The following TMEM161B variants were observed in gnomAD, a reference collection of about 807,000 sequenced individuals.
TMEM161B encodes the protein transmembrane protein 161B.
TMEM161B carries 34 observed loss-of-function variants against 61.8 expected under a neutral mutation model. That is an observed-to-expected ratio of 0.55 (90% CI 0.42 to 0.73). The LOEUF is 0.73. TMEM161B is among the 30% of genes least tolerant of loss of function. TMEM161B has a pLI of 0.00. For synonymous variants in TMEM161B, 167 were observed against 192.8 expected, an observed-to-expected ratio of 0.87 and a Z score of 1.11; for missense variants, 456 against 558.5, an observed-to-expected ratio of 0.82 and a Z score of 1.85.
exon 13 of TMEM161B, chr5:88,190,021 G>C (rs1449819249): frequency 1.0e-5 from 7 of 699,914 alleles, no homozygotes; most frequent in Admixed American, 8.0e-5. Context: ...GAGCCGATCC[G>C]TAAGGGCAGT....
chr5:88,208,019 CA>C (rs748188331), intron 5 of TMEM161B, among the ~76,000 whole-genome samples: 2 of 151,926 alleles, frequency 1.3e-5, no homozygotes, highest in African/African-American at 2.4e-5. Flanking sequence ...ACTTTACAGA[CA>C]TTTTAAAAAA....
At chr5:88,220,742 AAAAAAAAAAG>A (rs758128482) in intron 4 of TMEM161B, 23 bp from the exon 5 acceptor site, 7 of 1,520,344 alleles carry the variant, frequency 4.6e-6, no homozygotes. Context: ...AAAAAAAAAA[AAAAAAAAAAG>A]GTCAAAAAAA....
chr5:88,261,730 C>CAAAAAAAAAAAAAAAAAAAAAAAA (rs70996464), intron 1 of TMEM161B, among the ~76,000 whole-genome samples: 1 of 49,292 alleles, frequency 2.0e-5, no homozygotes, highest in Non-Finnish European at 3.5e-5. Context: ...CATTCATGTG[C>CAAAAAAAAAAAAAAAAAAAAAAAA]AAAAAAAAAA....
intron 11 of TMEM161B, 96 bp from the exon 12 acceptor site, chr5:88,196,584 G>T: frequency 8.3e-7 from 1 of 1,205,542 alleles, no homozygotes; most frequent in Non-Finnish European, 1.1e-6. Flanking sequence ...TTAACAATAT[G>T]TTTAGTGGCA....
intron 1 of TMEM161B, among the ~76,000 whole-genome samples, chr5:88,247,073 C>T (rs1179038669): frequency 6.6e-6 from 1 of 152,022 alleles, no homozygotes; most frequent in Non-Finnish European, 1.5e-5. Context: ...TTCAACCTTT[C>T]CACATCTATT....
intron 4 of TMEM161B, 103 bp downstream of exon 4, chr5:88,225,666 T>C (rs1189071596): frequency 6.1e-6 from 4 of 653,808 alleles, no homozygotes; most frequent in Non-Finnish European, 1.0e-5. Context: ...CTTAGAAAGA[T>C]TCCATATTCT....
At chr5:88,246,621 C>T (rs1400889604) in intron 1 of TMEM161B, among the ~76,000 whole-genome samples, 1 of 151,872 alleles carries the variant, frequency 6.6e-6, no homozygotes, top group Non-Finnish European at 1.5e-5. Context: ...CAAAAACAAA[C>T]CATTCTAATA....
At chr5:88,258,909 C>G (rs72771817) in intron 1 of TMEM161B, among the ~76,000 whole-genome samples, 4,422 of 152,228 alleles carry the variant, frequency 0.029, 116 homozygotes, top group South Asian at 0.044. Flanking sequence ...CTTCTAATTA[C>G]TTATCACAAA....
intron 2 of TMEM161B, among the ~76,000 whole-genome samples, chr5:88,234,680 T>C (rs961520575): frequency 6.6e-6 from 1 of 152,136 alleles, no homozygotes; most frequent in Non-Finnish European, 1.5e-5. Flanking sequence ...GATATAAAAG[T>C]CATTAGAATG....
intron 1 of TMEM161B, among the ~76,000 whole-genome samples, chr5:88,254,615 T>G (rs185866533): frequency 6.6e-4 from 100 of 152,214 alleles, no homozygotes; most frequent in East Asian, 1.7e-3. Context: ...GGCAGGAGGA[T>G]TACTTGAGGC....
rs933819640 is a variant in TMEM161B, at chr5:88,248,700, A to G, written c.4-7784T>C. On this transcript the variant is annotated intron_variant, in intron 1 of 11. Transcript: ENST00000296595. The stretch of plus-strand genomic sequence containing the variant: ...ACAGACAGAAGCAAATGGAGAAACA[A>G]TTCAGTCGACTGAGAAAAAAAAAAA... Among the ~76,000 whole-genome samples, 8 of 146,310 alleles carry G rather than the reference A, an allele frequency of 5.5e-5. No homozygotes were observed. The East Asian group carries it at 6.1e-4, about 11-fold the overall frequency.
chr5:88,234,065 C>T (rs1052592779), intron 2 of TMEM161B, among the ~76,000 whole-genome samples: 5 of 151,786 alleles, frequency 3.3e-5, no homozygotes, highest in African/African-American at 1.2e-4. Context: ...TATGGAGGGG[C>T]TTTGTTTTTT....
At chr5:88,254,884 C>A (rs1754771723) in intron 1 of TMEM161B, among the ~76,000 whole-genome samples, 1 of 150,512 alleles carries the variant, frequency 6.6e-6, no homozygotes, top group Non-Finnish European at 1.5e-5. Flanking sequence ...GATTGATCAT[C>A]ATGGGACATT....
intron 1 of TMEM161B, among the ~76,000 whole-genome samples, chr5:88,247,889 T>G (rs1753825952): frequency 6.6e-6 from 1 of 152,106 alleles, no homozygotes; most frequent in South Asian, 2.1e-4. Context: ...TGTGGGGCAC[T>G]GGACCACTAA....
downstream of TMEM161B, among the ~76,000 whole-genome samples, chr5:88,188,614 T>C (rs748273595): frequency 7.2e-5 from 11 of 151,978 alleles, no homozygotes; most frequent in Non-Finnish European, 1.3e-4. Flanking sequence ...CAGAAGAAAG[T>C]GGAATTGTAG....
intron 1 of TMEM161B, among the ~76,000 whole-genome samples, chr5:88,249,449 T>A (rs1754044270): frequency 6.6e-6 from 1 of 152,168 alleles, no homozygotes; most frequent in Non-Finnish European, 1.5e-5. Flanking sequence ...TTATTTAACC[T>A]CTTTTCAATT....
At chr5:88,250,866 G>A (rs1184068933) in intron 1 of TMEM161B, 1 of 152,178 alleles carries the variant, frequency 6.6e-6, no homozygotes, top group East Asian at 1.9e-4. Context: ...TCTTGGACAA[G>A]CCCCTAAATG....
At position 88,195,937 on chromosome 5, in the gene TMEM161B, A is replaced by G; in HGVS notation, c.*274T>C. On this transcript the variant is annotated 3_prime_UTR_variant, in exon 12 of 12. Coordinates refer to ENST00000296595, the MANE Select transcript of TMEM161B (RefSeq NM_153354.5). Reference sequence around the variant, plus strand: ...TTTCTGTAAACCAGGGTAATCAGAAATATTACCCTTGTAGATAGCCCTCTC... The same window carrying G: ...TTTCTGTAAACCAGGGTAATCAGAAGTATTACCCTTGTAGATAGCCCTCTC... 8.6e-7 allele frequency: 1 copy of G among 1,158,544 alleles called. No homozygotes were observed. Among genetic ancestry groups the G allele is most frequent in the Non-Finnish European group, 1.1e-6 (1 of 939,248 alleles). 71.8% of individuals were successfully genotyped at this position (1,158,544 alleles called of 1,614,324 possible). A position where few individuals can be genotyped will look rare whatever the true frequency, so the allele number is the denominator to read the frequency against.
At chr5:88,192,545 C>T (rs1749060694), downstream of TMEM161B, among the ~76,000 whole-genome samples, 1 of 152,178 alleles carries the variant, frequency 6.6e-6, no homozygotes, top group South Asian at 2.1e-4. Flanking sequence ...CTTCATGGCA[C>T]ATAACGAGCT....
Sources: gnomAD v4.1 joint callset for allele counts (sites outside exome capture counted in the v4.1 genomes callset) on GRCh38, gnomAD v4.1.1 for gene constraint, MANE v1.5 for transcripts, NCBI Gene and HGNC (gene_info 2026-07-23, HGNC 2026-07-21) for gene names.